Variants in MTX2 observed in about 807,000 individuals in gnomAD.
MTX2 encodes the protein metaxin 2, also known as metaxin-2.
A neutral mutation model predicts 42.3 loss-of-function variants in MTX2; 35 were observed. The observed-to-expected ratio is 0.83, with a 90% CI of 0.63 to 1.10. The LOEUF is 1.10. Ranked by LOEUF, MTX2 falls within the 50% of genes least tolerant of loss-of-function variation. MTX2 has a pLI of 0.00. For missense variants in MTX2, 307 were observed against 304.1 expected, an observed-to-expected ratio of 1.01 and a Z score of -0.07; for synonymous variants, 119 against 100.9, an observed-to-expected ratio of 1.18 and a Z score of -1.08.
chr2:176,323,741 A>T (rs371816240), intron 4 of MTX2, among the ~76,000 whole-genome samples: 1 of 151,740 alleles, frequency 6.6e-6, no homozygotes, highest in East Asian at 1.9e-4. Context: ...GAAATACATG[A>T]TCTCAGATTT....
At chr2:176,320,356 G>A (rs1684553063) in intron 3 of MTX2, among the ~76,000 whole-genome samples, 1 of 152,102 alleles carries the variant, frequency 6.6e-6, no homozygotes, top group Non-Finnish European at 1.5e-5. Flanking sequence ...CACTACGCAT[G>A]TAGTTTAGCA....
intron 3 of MTX2, among the ~76,000 whole-genome samples, chr2:176,308,680 G>A (rs1373166488): frequency 1.6e-4 from 24 of 152,154 alleles, no homozygotes; most frequent in Non-Finnish European, 3.5e-4. Flanking sequence ...TATTTGCATA[G>A]AGGTGTTTAT....
intron 3 of MTX2, among the ~76,000 whole-genome samples, chr2:176,304,554 G>T (rs1228817614): frequency 6.6e-6 from 1 of 151,932 alleles, no homozygotes; most frequent in African/African-American, 2.4e-5. Flanking sequence ...GTCTGCAGCT[G>T]TTTGATATAA....
intron 3 of MTX2, among the ~76,000 whole-genome samples, chr2:176,306,193 A>T (rs1684139774): frequency 1.3e-5 from 2 of 151,984 alleles, no homozygotes. Context: ...TAGTTTGCTG[A>T]GAGTGATGGT....
At chr2:176,302,296 T>C (rs1684044464) in intron 3 of MTX2, among the ~76,000 whole-genome samples, 1 of 152,154 alleles carries the variant, frequency 6.6e-6, no homozygotes, top group East Asian at 1.9e-4. Context: ...TGAAGGAGAA[T>C]GTTCTTGTTC....
intron 1 of MTX2, among the ~76,000 whole-genome samples, chr2:176,276,959 C>T (rs569487363): frequency 3.3e-5 from 5 of 151,852 alleles, no homozygotes; most frequent in Non-Finnish European, 5.9e-5. Flanking sequence ...AAAGAATGGT[C>T]GGAATATTCC....
intron 2 of MTX2, among the ~76,000 whole-genome samples, chr2:176,297,314 C>G (rs1428904820): frequency 6.6e-6 from 1 of 152,124 alleles, no homozygotes; most frequent in Non-Finnish European, 1.5e-5. Context: ...ATCATCAGAT[C>G]ACATTATGGA....
chr2:176,283,470 T>C (rs1489905376), intron 1 of MTX2, among the ~76,000 whole-genome samples: 2 of 152,186 alleles, frequency 1.3e-5, no homozygotes, highest in African/African-American at 2.4e-5. Context: ...CCTGTTTCCT[T>C]CTTCTTGGAG....
At chr2:176,284,226 C>G (rs1693143814) in intron 1 of MTX2, among the ~76,000 whole-genome samples, 4 of 151,920 alleles carry the variant, frequency 2.6e-5, no homozygotes, top group Admixed American at 6.6e-5. Flanking sequence ...ACTACAGGTG[C>G]ACACCACCAT....
chr2:176,296,780 A>G, intron 1 of MTX2, 80 bp from the exon 2 acceptor site: 1 of 1,415,786 alleles, frequency 7.1e-7, no homozygotes. Context: ...CTGTAGGCAA[A>G]TGTACATGCT....
chr2:176,283,697 A>C (rs1385602781), intron 1 of MTX2, among the ~76,000 whole-genome samples: 10 of 152,194 alleles, frequency 6.6e-5, no homozygotes, highest in African/African-American at 2.4e-4. Context: ...CATTACAGTG[A>C]TTGTATTTGG....
At chr2:176,302,890 C>T (rs1320985239) in intron 3 of MTX2, among the ~76,000 whole-genome samples, 7 of 152,138 alleles carry the variant, frequency 4.6e-5, no homozygotes, top group African/African-American at 1.7e-4. Context: ...ATGCTAATAT[C>T]CAAATGTAGT....
At chr2:176,298,404 T>C (rs1683944642) in intron 3 of MTX2, among the ~76,000 whole-genome samples, 1 of 152,142 alleles carries the variant, frequency 6.6e-6, no homozygotes, top group Non-Finnish European at 1.5e-5. Context: ...TGAGTGTTTA[T>C]TATCCCCAAA....
At position 176,282,216 on chromosome 2, in the gene MTX2, T is replaced by C. The variant is rs113919010; in HGVS notation, c.40+12547T>C. Among the ~76,000 whole-genome samples the C allele has an allele frequency of 6.9e-3, 1,036 of 149,442 alleles. 12 individuals are homozygous for C. The highest frequency in any genetic ancestry group is 0.025 in the African/African-American group (999 of 40,510). ...ACCTGCTTGTATTTTCTGCAGAATG[T>C]TTGTTGAGTACCTAATTTGTGCTAG... is the stretch of plus-strand genomic sequence containing the variant. On this transcript the variant is annotated intron_variant, in intron 1 of 9. Coordinates refer to ENST00000249442, the MANE Select transcript of MTX2 (RefSeq NM_006554.5).
At chr2:176,306,138 C>T (rs1477276283) in intron 3 of MTX2, among the ~76,000 whole-genome samples, 2 of 151,178 alleles carry the variant, frequency 1.3e-5, no homozygotes, top group African/African-American at 2.4e-5. Context: ...TTGTTCAATT[C>T]CCATCTATGA....
intron 3 of MTX2, among the ~76,000 whole-genome samples, chr2:176,302,245 T>G (rs979908911): frequency 7.2e-5 from 11 of 152,094 alleles, no homozygotes; most frequent in Non-Finnish European, 1.5e-4. Flanking sequence ...AATCTTACTT[T>G]GTCCTTTTTA....
chr2:176,334,868 C>G (rs1684949993), intron 9 of MTX2, among the ~76,000 whole-genome samples: 1 of 151,790 alleles, frequency 6.6e-6, no homozygotes, highest in African/African-American at 2.4e-5. Flanking sequence ...TAAGTGAACA[C>G]AGTTATAATA....
In MTX2 at chr2:176,269,580, G is replaced by C; in HGVS notation, c.-50G>C. The C allele has an allele frequency of 6.5e-7, 1 of 1,545,170 alleles. No homozygotes were observed. The highest frequency in any genetic ancestry group is 2.4e-5 in the East Asian group (1 of 41,450). On this transcript the variant is annotated 5_prime_UTR_variant, in exon 1 of 10. Transcript: ENST00000249442. ...AGCCTCCGGGTTTGCGGTGGAGGACGCTGAGGCCCGTGGGGGGCAGGCACC... is the reference window on the plus strand; with the variant it reads ...AGCCTCCGGGTTTGCGGTGGAGGACCCTGAGGCCCGTGGGGGGCAGGCACC...
intron 3 of MTX2, among the ~76,000 whole-genome samples, chr2:176,319,930 C>T (rs1035200632): frequency 6.6e-6 from 1 of 152,024 alleles, no homozygotes; most frequent in Admixed American, 6.6e-5. Context: ...GAACTCTTGG[C>T]CTCAAGCAAT....
Sources: allele counts gnomAD v4.1 joint callset (sites outside exome capture counted in the v4.1 genomes callset), GRCh38; gene constraint gnomAD v4.1.1; transcripts MANE v1.5; gene names NCBI Gene and HGNC (gene_info 2026-07-23, HGNC 2026-07-21).